Variants in FAAH2 observed in about 807,000 individuals in gnomAD.
The protein encoded by FAAH2 is fatty-acid amide hydrolase 2.
FAAH2 carries 60 observed loss-of-function variants against 36.9 expected under a neutral mutation model. That is an observed-to-expected ratio of 1.63 (90% CI 1.32 to 2.02). The LOEUF (loss-of-function observed/expected upper bound fraction) is 2.02. FAAH2 is among the 30% of genes most tolerant of loss of function. FAAH2 has a pLI of 0.00. For synonymous variants in FAAH2, 214 were observed against 143.8 expected, an observed-to-expected ratio of 1.49 and a Z score of -3.49; for missense variants, 689 against 397.5, an observed-to-expected ratio of 1.73 and a Z score of -6.23.
chrX:57,447,116 T>A, intron 9 of FAAH2, 77 bp downstream of exon 9: 1 of 769,452 alleles, frequency 1.3e-6, no homozygotes, highest in Non-Finnish European at 1.8e-6. Flanking sequence ...AATTTTGGAC[T>A]AAAGGCCCCA....
the FAAH2 span, among the ~76,000 whole-genome samples, chrX:57,143,455 T>C: frequency 9.1e-6 from 1 of 110,395 alleles, no homozygotes; most frequent in African/African-American, 3.3e-5. Context: ...TTTTATATTG[T>C]CTGTCTCTTA....
At chrX:57,180,364 G>A in the FAAH2 span, among the ~76,000 whole-genome samples, 1 of 110,977 alleles carries the variant, frequency 9.0e-6, no homozygotes, top group African/African-American at 3.3e-5. Context: ...ACTGCTAGCT[G>A]GACTCATAAA....
intron 7 of FAAH2, among the ~76,000 whole-genome samples, chrX:57,418,827 GT>G (rs1276229380): frequency 9.4e-6 from 1 of 106,266 alleles, no homozygotes; most frequent in Non-Finnish European, 1.9e-5. Context: ...CCATTAACTC[GT>G]CATTTAGCAT....
At chrX:57,202,429 A>G in the FAAH2 span, among the ~76,000 whole-genome samples, 1 of 111,608 alleles carries the variant, frequency 9.0e-6, no homozygotes, top group Non-Finnish European at 1.9e-5. Context: ...ATGTGGAAAA[A>G]TTACCTGGAT....
chrX:57,179,360 G>A, the FAAH2 span, among the ~76,000 whole-genome samples: 2 of 111,787 alleles, frequency 1.8e-5, no homozygotes, highest in African/African-American at 6.5e-5. Flanking sequence ...CCATTGGTGT[G>A]CTGTCTTCAA....
rs751309192 is a variant in FAAH2 at position 57,485,124 on chromosome X, GA to G, written c.1424-3628del. ...TGGGTAGGGCAAGTCCCCAAAGTTG[GA>G]AAAATGGAAAGTGGGAGCTGTGAGG... On this transcript the variant is annotated intron_variant, in intron 10 of 10. Coordinates refer to ENST00000374900, the MANE Select transcript of FAAH2 (RefSeq NM_174912.4). 2.7e-5 allele frequency among the ~76,000 whole-genome samples: 3 copies of G among 111,872 alleles called. No individual in the cohort carries two copies. In the East Asian group the frequency reaches 8.5e-4, roughly 32 times the overall value.
chrX:57,124,071 C>T, the FAAH2 span, among the ~76,000 whole-genome samples: 4 of 111,574 alleles, frequency 3.6e-5, no homozygotes, highest in African/African-American at 1.3e-4. Flanking sequence ...GACATGAAGT[C>T]CTTTCCCATG....
At chrX:57,427,857 C>T (rs1244625520) in intron 7 of FAAH2, among the ~76,000 whole-genome samples, 2 of 111,246 alleles carry the variant, frequency 1.8e-5, no homozygotes, top group African/African-American at 6.5e-5. Context: ...ACAAAAATGC[C>T]CATTTTCACT....
At chrX:57,467,842 A>G (rs1222514300) in intron 10 of FAAH2, among the ~76,000 whole-genome samples, 1 of 110,893 alleles carries the variant, frequency 9.0e-6, no homozygotes. Flanking sequence ...ACTGAGAGAC[A>G]CCCCCCAGTA....
At chrX:57,421,833 G>A (rs534709433) in intron 7 of FAAH2, among the ~76,000 whole-genome samples, 4 of 111,635 alleles carry the variant, frequency 3.6e-5, no homozygotes, top group South Asian at 3.8e-4. Context: ...CATTATGATG[G>A]GGAAATAAAG....
chrX:57,466,057 TACAC>T (rs1290119952), intron 10 of FAAH2, among the ~76,000 whole-genome samples: 1 of 105,355 alleles, frequency 9.5e-6, no homozygotes, highest in Non-Finnish European at 1.9e-5. Context: ...TCTTCTTTCA[TACAC>T]ACGCACACAT....
At position 57,427,285 on chromosome X, in the gene FAAH2, T is replaced by C. The variant is rs763361005; in HGVS notation, c.997-4633T>C. Among the ~76,000 whole-genome samples, 7 of 110,564 alleles carry C rather than the reference T, an allele frequency of 6.3e-5. No homozygotes were observed. The South Asian group carries it at 1.1e-3, about 18-fold the overall frequency. On this transcript the variant is annotated intron_variant, in intron 7 of 10. Coordinates refer to ENST00000374900, the MANE Select transcript of FAAH2 (RefSeq NM_174912.4). ...CAACAAAGAAAGGCCCAGGACCAAA[T>C]GGATTTACAGCTCAATTCTACCCAA...
the FAAH2 span, among the ~76,000 whole-genome samples, chrX:57,274,704 G>A: frequency 1.6e-3 from 179 of 111,184 alleles, no homozygotes; most frequent in Middle Eastern, 0.032. Flanking sequence ...AAAAATCAAT[G>A]CCTCTTCATG....
chrX:57,339,231 A>T (rs751273424), intron 4 of FAAH2, among the ~76,000 whole-genome samples: 1 of 112,273 alleles, frequency 8.9e-6, no homozygotes, highest in Non-Finnish European at 1.9e-5. Flanking sequence ...TTGAAACTGG[A>T]CCCTTTCTTT....
At chrX:57,332,545 C>T (rs1167701393) in intron 4 of FAAH2, among the ~76,000 whole-genome samples, 1 of 111,871 alleles carries the variant, frequency 8.9e-6, no homozygotes, top group East Asian at 2.8e-4. Context: ...AGAACAAAAG[C>T]CTAGGAGCAG....
intron 10 of FAAH2, among the ~76,000 whole-genome samples, chrX:57,451,311 A>G (rs1183117452): frequency 9.0e-6 from 1 of 110,705 alleles, no homozygotes. Context: ...TGCCTCACTT[A>G]GTGCTCAGTG....
intron 5 of FAAH2, among the ~76,000 whole-genome samples, chrX:57,347,600 C>G (rs1202296689): frequency 2.2e-5 from 1 of 45,883 alleles, no homozygotes; most frequent in Non-Finnish European, 3.6e-5. Flanking sequence ...TAAGGGGATG[C>G]TAAGTTTTTT....
intron 10 of FAAH2, 96 bp downstream of exon 10, chrX:57,448,814 T>G: frequency 1.2e-6 from 1 of 864,414 alleles, no homozygotes; most frequent in Non-Finnish European, 1.7e-6. Context: ...TGGACAAGTT[T>G]TAAACATGCA....
chrX:57,419,776 G>A (rs1365478726), intron 7 of FAAH2, among the ~76,000 whole-genome samples: 20 of 111,835 alleles, frequency 1.8e-4, no homozygotes, highest in Non-Finnish European at 3.8e-5. Context: ...TGGTGTTTTA[G>A]ACATGAAGTC....
Sources: allele counts gnomAD v4.1 joint callset (sites outside exome capture counted in the v4.1 genomes callset), GRCh38; gene constraint gnomAD v4.1.1; transcripts MANE v1.5; gene names NCBI Gene and HGNC (gene_info 2026-07-23, HGNC 2026-07-21).